SHANK2: variants seen among roughly 807,000 people sequenced by gnomAD.
SHANK2 encodes the protein SH3 and multiple ankyrin repeat domains protein 2.
In SHANK2, 43 loss-of-function variants were observed where a neutral mutation model predicts 133.7. That is an observed-to-expected ratio of 0.32 (90% CI 0.25 to 0.41). The LOEUF is 0.41. Among genes scored for constraint, SHANK2 ranks in the 10% least tolerant of loss-of-function variants. The pLI, the probability that SHANK2 is intolerant of heterozygous loss-of-function variation, is 1.00. For missense variants in SHANK2, 1,994 were observed against 2,235.8 expected (o/e 0.89, Z 2.18); for synonymous variants, 1,017 against 952.8 (o/e 1.07, Z -1.24).
At chr11:70,615,865 G>A (rs1299971988) in intron 17 of SHANK2, among the ~76,000 whole-genome samples, 1 of 152,182 alleles carries the variant, frequency 6.6e-6, no homozygotes, top group Admixed American at 6.5e-5. Context: ...GGAGGAACTT[G>A]CTCTCTGTGG....
chr11:70,760,017 C>T (rs925684529), intron 14 of SHANK2, among the ~76,000 whole-genome samples: 2 of 152,232 alleles, frequency 1.3e-5, no homozygotes, highest in African/African-American at 2.4e-5. Flanking sequence ...TATGAGAGAC[C>T]GGCTCTGCCG....
chr11:70,687,274 C>G (rs1358174324), intron 15 of SHANK2, among the ~76,000 whole-genome samples: 2 of 152,258 alleles, frequency 1.3e-5, no homozygotes, highest in Non-Finnish European at 2.9e-5. Context: ...ACTCCCAGGC[C>G]TAGGCCTATC....
chr11:70,847,818 G>A (rs1412342069), intron 11 of SHANK2, among the ~76,000 whole-genome samples: 1 of 152,230 alleles, frequency 6.6e-6, no homozygotes, highest in Non-Finnish European at 1.5e-5. Flanking sequence ...TGGGCCAAGA[G>A]CCAGTCCAGG....
At chr11:70,790,009 T>C (rs1315621654) in intron 14 of SHANK2, among the ~76,000 whole-genome samples, 2 of 152,260 alleles carry the variant, frequency 1.3e-5, no homozygotes, top group Admixed American at 6.5e-5. Flanking sequence ...ACATAAGATG[T>C]GTCGCTGAAA....
chr11:70,617,092 TGA>T (rs1468202271), intron 17 of SHANK2, among the ~76,000 whole-genome samples: 11 of 151,930 alleles, frequency 7.2e-5, no homozygotes, highest in Admixed American at 3.3e-4. Flanking sequence ...TGTGTGTCTA[TGA>T]GAGTGTGTAT....
chr11:70,913,281 A>C (rs568197167), intron 10 of SHANK2, among the ~76,000 whole-genome samples: 2 of 152,112 alleles, frequency 1.3e-5, no homozygotes, highest in Admixed American at 1.3e-4. Context: ...GATAGACCCT[A>C]TTATGACAAC....
intron 7 of SHANK2, among the ~76,000 whole-genome samples, chr11:71,093,227 C>T (rs1415224151): frequency 6.6e-6 from 1 of 152,166 alleles, no homozygotes; most frequent in Non-Finnish European, 1.5e-5. Flanking sequence ...GGCAGCAATA[C>T]AGTGACTGCA....
intron 17 of SHANK2, among the ~76,000 whole-genome samples, chr11:70,503,661 C>T (rs1163943562): frequency 7.2e-5 from 11 of 152,238 alleles, no homozygotes; most frequent in African/African-American, 2.7e-4. Flanking sequence ...AGCCGGTTAC[C>T]TCCTGCCCTA....
chr11:70,887,417 A>C (rs1949764589), intron 11 of SHANK2, among the ~76,000 whole-genome samples: 1 of 151,690 alleles, frequency 6.6e-6, no homozygotes, highest in South Asian at 2.1e-4. Context: ...AGCATCAGAC[A>C]ACAGCAACAT....
At chr11:71,249,214 G>A (rs1948136995) in intron 1 of SHANK2, among the ~76,000 whole-genome samples, 1 of 152,112 alleles carries the variant, frequency 6.6e-6, no homozygotes, top group South Asian at 2.1e-4. Context: ...AATGGCAAGG[G>A]GTGGGGGACT....
chr11:70,704,986 C>T (rs1388987394), intron 14 of SHANK2, among the ~76,000 whole-genome samples: 4 of 152,196 alleles, frequency 2.6e-5, no homozygotes, highest in African/African-American at 9.7e-5. Flanking sequence ...CCCCCACCCA[C>T]CAGCATTGTC....
intron 15 of SHANK2, among the ~76,000 whole-genome samples, chr11:70,673,381 T>C (rs1944851437): frequency 6.6e-6 from 1 of 151,926 alleles, no homozygotes; most frequent in South Asian, 2.1e-4. Flanking sequence ...TTTCCTTCAT[T>C]CGTTAATTAA....
At chr11:71,144,241 T>C (rs1952605844) in intron 3 of SHANK2, among the ~76,000 whole-genome samples, 1 of 152,140 alleles carries the variant, frequency 6.6e-6, no homozygotes, top group Admixed American at 6.5e-5. Flanking sequence ...CATGCACACA[T>C]AACTAGCTAC....
intron 17 of SHANK2, among the ~76,000 whole-genome samples, chr11:70,624,580 G>A (rs2060878761): frequency 6.6e-6 from 1 of 150,646 alleles, no homozygotes; most frequent in Non-Finnish European, 1.5e-5. Flanking sequence ...CCTTAAGGCA[G>A]CAGTCCTCAG....
At chr11:70,584,754 G>C (rs1286282011) in intron 17 of SHANK2, among the ~76,000 whole-genome samples, 3 of 152,218 alleles carry the variant, frequency 2.0e-5, no homozygotes, top group African/African-American at 7.2e-5. Context: ...CTCCTGGGAA[G>C]AGTGAGTTAG....
chr11:70,652,808 T>A (rs555818354), intron 17 of SHANK2, among the ~76,000 whole-genome samples: 9 of 152,228 alleles, frequency 5.9e-5, no homozygotes, highest in African/African-American at 1.9e-4. Context: ...AGATCCTGTC[T>A]CTAAAAAAGA....
At position 70,565,215 on chromosome 11, in the gene SHANK2, TCATC is replaced by T. The variant is rs56072142; in HGVS notation, c.2062-62288_2062-62285del. Among the ~76,000 whole-genome samples the T allele has an allele frequency of 3.3e-3, 492 of 149,120 alleles. 4 individuals carry two copies. Among genetic ancestry groups the T allele is most frequent in the African/African-American group, 0.011 (447 of 40,364 alleles). The stretch of plus-strand genomic sequence containing the variant: ...GTAGTTAAGTCACCTGGAAGCAGTT[TCATC>T]CATCCATCCATCCATCCATCCATCC... On this transcript the variant is annotated intron_variant, in intron 17 of 25. Transcript: ENST00000601538.
chr11:71,232,136 C>G (rs534740447), intron 1 of SHANK2, among the ~76,000 whole-genome samples: 3 of 152,146 alleles, frequency 2.0e-5, no homozygotes, highest in African/African-American at 7.2e-5. Flanking sequence ...AGGCTACTTA[C>G]TGTGTGATTC....
intron 1 of SHANK2, among the ~76,000 whole-genome samples, chr11:71,244,016 G>C (rs1467882405): frequency 6.6e-6 from 1 of 152,212 alleles, no homozygotes; most frequent in African/African-American, 2.4e-5. Flanking sequence ...GTCATCTTAT[G>C]AGGCCAGTAT....
Sources: allele counts gnomAD v4.1 joint callset (sites outside exome capture counted in the v4.1 genomes callset), GRCh38; gene constraint gnomAD v4.1.1; transcripts MANE v1.5; gene names NCBI Gene and HGNC (gene_info 2026-07-23, HGNC 2026-07-21).